The following RASSF8 variants were observed in gnomAD, a reference collection of about 807,000 sequenced individuals.
RASSF8 encodes Ras association domain family member 8.
In RASSF8, 22 loss-of-function variants were observed where a neutral mutation model predicts 48.5. The ratio of observed to expected loss-of-function variants is 0.45; its 90% CI spans 0.32 to 0.65. The LOEUF (loss-of-function observed/expected upper bound fraction) is 0.65. Ranked by LOEUF, RASSF8 falls within the 30% of genes least tolerant of loss-of-function variation. RASSF8 has a pLI of 0.03. For missense variants in RASSF8, 418 were observed against 489.2 expected, an observed-to-expected ratio of 0.85 and a Z score of 1.37; for synonymous variants, 127 against 171.5, an observed-to-expected ratio of 0.74 and a Z score of 2.03.
At chr12:26,002,485 A>C (rs530688959) in intron 2 of RASSF8, among the ~76,000 whole-genome samples, 14 of 151,888 alleles carry the variant, frequency 9.2e-5, no homozygotes, top group Non-Finnish European at 2.1e-4. Flanking sequence ...TATTATATAA[A>C]AAATTATTGG....
At chr12:25,970,525 A>G (rs769028524) in intron 1 of RASSF8, among the ~76,000 whole-genome samples, 2 of 151,998 alleles carry the variant, frequency 1.3e-5, no homozygotes, top group African/African-American at 2.4e-5. Context: ...TCTCATTTAG[A>G]TTGTTTCCTC....
intron 2 of RASSF8, among the ~76,000 whole-genome samples, chr12:26,049,870 G>A (rs1253110557): frequency 2.6e-5 from 4 of 152,138 alleles, no homozygotes; most frequent in East Asian, 1.9e-4. Context: ...TGCAAGCTCC[G>A]CCTCCCAGGT....
At chr12:25,981,911 G>T (rs1309393916) in intron 1 of RASSF8, among the ~76,000 whole-genome samples, 1 of 152,212 alleles carries the variant, frequency 6.6e-6, no homozygotes, top group African/African-American at 2.4e-5. Flanking sequence ...TTTGTGGTGT[G>T]TGAGGGAGGT....
At chr12:25,982,317 A>G (rs1329618261) in intron 1 of RASSF8, among the ~76,000 whole-genome samples, 1 of 152,238 alleles carries the variant, frequency 6.6e-6, no homozygotes, top group East Asian at 1.9e-4. Flanking sequence ...TAGATTACAA[A>G]TAGTAGTTAT....
At position 25,962,726 on chromosome 12, in the gene RASSF8, T is replaced by C. The variant is rs565531195; in HGVS notation, c.-203+3578T>C. On this transcript the variant is annotated intron_variant, in intron 1 of 5. Coordinates refer to ENST00000689635, the MANE Select transcript of RASSF8 (RefSeq NM_001394098.1). ...GGTGTGTGCCACCATGCCTGGCTTCTGTATTTGTATCTTGATTGCCTTCTT... is the reference window on the plus strand; with the variant it reads ...GGTGTGTGCCACCATGCCTGGCTTCCGTATTTGTATCTTGATTGCCTTCTT... Among the ~76,000 whole-genome samples, 185 of 152,312 alleles carry C rather than the reference T, an allele frequency of 1.2e-3. 1 individual carries two copies. Among genetic ancestry groups the C allele is most frequent in the Admixed American group, 0.012 (177 of 15,296 alleles).
chr12:26,066,119 ATAATT>A (rs1943868995), intron 4 of RASSF8, among the ~76,000 whole-genome samples: 1 of 152,206 alleles, frequency 6.6e-6, no homozygotes, highest in Admixed American at 6.5e-5. Context: ...AAATTATTAA[ATAATT>A]TAAAATTCTG....
In RASSF8 at chr12:26,072,472, G is replaced by A. The variant is rs909628463; in HGVS notation, c.*3654G>A. On this transcript the variant is annotated 3_prime_UTR_variant, in exon 6 of 6. Transcript: ENST00000689635. ...CCAAATAAATGCAGAAAACTATTTC[G>A]TATACTAATTATATTAAACCAGCAG... 3.6e-5 allele frequency: 35 copies of A among 959,340 alleles called. No individual in the cohort carries two copies. Among genetic ancestry groups the A allele is most frequent in the Non-Finnish European group, 4.1e-5 (33 of 806,530 alleles). 59.4% of individuals were successfully genotyped at this position (959,340 alleles called of 1,614,324 possible).
At position 26,070,727 on chromosome 12, in the gene RASSF8, CAG is replaced by C; in HGVS notation, c.*1913_*1914del. On this transcript the variant is annotated 3_prime_UTR_variant, in exon 6 of 6. Transcript: ENST00000689635. Reference sequence around the variant, plus strand: ...TGTATAAAGTCATTTTGTTGTTGTTCAGAGAAATCAAGATCTTATTCACAAAG... The same window carrying C: ...TGTATAAAGTCATTTTGTTGTTGTTCAGAAATCAAGATCTTATTCACAAAG... 1 of 723,972 alleles carries C rather than the reference CAG, an allele frequency of 1.4e-6. No individual in the cohort carries two copies. The highest frequency in any genetic ancestry group is 2.0e-5 in the African/African-American group (1 of 50,334). 44.8% of individuals were successfully genotyped at this position (723,972 alleles called of 1,614,324 possible). A position where few individuals can be genotyped will look rare whatever the true frequency, so the allele number is the denominator to read the frequency against.
chr12:25,965,980 A>G (rs1941351112), intron 1 of RASSF8, among the ~76,000 whole-genome samples: 1 of 152,220 alleles, frequency 6.6e-6, no homozygotes, highest in Admixed American at 6.5e-5. Context: ...ATTACAAATA[A>G]AGCTGTTATG....
At chr12:25,966,013 A>G (rs979869229) in intron 1 of RASSF8, among the ~76,000 whole-genome samples, 3 of 152,226 alleles carry the variant, frequency 2.0e-5, no homozygotes, top group East Asian at 1.9e-4. Flanking sequence ...CAAGTATTGT[A>G]TAGACATATA....
Position 26,069,889 on chromosome 12 carries a change from T to C in RASSF8, c.*1071T>C. The C allele has an allele frequency of 1.0e-6, 1 of 983,048 alleles. No individual in the cohort carries two copies. The highest frequency in any genetic ancestry group is 1.2e-6 in the Non-Finnish European group (1 of 827,732). 60.9% of individuals were successfully genotyped at this position (983,048 alleles called of 1,614,324 possible). On this transcript the variant is annotated 3_prime_UTR_variant, in exon 6 of 6. Transcript: ENST00000689635. ...TGGAAAGGAGGTTAAACCTAGGTACTTTTTAGCAAGGATATAAAGTCAAAT... is the reference window on the plus strand; with the variant it reads ...TGGAAAGGAGGTTAAACCTAGGTACCTTTTAGCAAGGATATAAAGTCAAAT...
chr12:26,004,243 C>G lies in RASSF8; in HGVS notation c.-109+9113C>G, dbSNP rs561883497. ...GAATTGAATAACAAGGGGCATATCA[C>G]AGTCTCTAGGCAGGGATGAATATAC... On this transcript the variant is annotated intron_variant, in intron 2 of 5. Transcript: ENST00000689635. Among the ~76,000 whole-genome samples, 24 of 152,304 alleles carry G rather than the reference C, an allele frequency of 1.6e-4. 1 individual carries two copies. The South Asian group carries it at 4.8e-3, about 30-fold the overall frequency.
At chr12:26,006,733 A>T (rs1204159734) in intron 2 of RASSF8, among the ~76,000 whole-genome samples, 4 of 152,172 alleles carry the variant, frequency 2.6e-5, no homozygotes, top group African/African-American at 9.7e-5. Context: ...TTTCTGACTC[A>T]TGGTGCGTGC....
At chr12:26,029,246 T>C (rs533496803) in intron 2 of RASSF8, among the ~76,000 whole-genome samples, 1 of 152,312 alleles carries the variant, frequency 6.6e-6, no homozygotes, top group East Asian at 1.9e-4. Flanking sequence ...CATGTCTGCA[T>C]TAGGGAGAGG....
At chr12:25,991,909 G>T (rs1440288942) in intron 1 of RASSF8, among the ~76,000 whole-genome samples, 2 of 152,146 alleles carry the variant, frequency 1.3e-5, no homozygotes, top group Non-Finnish European at 2.9e-5. Flanking sequence ...ATTAATGTTT[G>T]AATCACGTTA....
chr12:26,027,050 TA>T (rs550549749), intron 2 of RASSF8, among the ~76,000 whole-genome samples: 3 of 152,060 alleles, frequency 2.0e-5, no homozygotes, highest in Non-Finnish European at 4.4e-5. Flanking sequence ...TATTTGGCAA[TA>T]AAAAAATGAA....
chr12:25,958,525 GCGGAGGAGCGGCGGCTGAAAC>G (rs1765297592), upstream of RASSF8: 1 of 150,630 alleles, frequency 6.6e-6, no homozygotes, highest in African/African-American at 2.4e-5. Flanking sequence ...CGGGCGGGGC[GCGGAGGAGCGGCGGCTGAAAC>G]CCGAGCGCCC....
chr12:26,006,286 G>C (rs1290819837), intron 2 of RASSF8, among the ~76,000 whole-genome samples: 1 of 152,010 alleles, frequency 6.6e-6, no homozygotes, highest in African/African-American at 2.4e-5. Flanking sequence ...GATTAATCTG[G>C]GTGCAAGTCA....
At chr12:26,042,327 G>T (rs1422883260) in intron 2 of RASSF8, among the ~76,000 whole-genome samples, 5 of 152,006 alleles carry the variant, frequency 3.3e-5, no homozygotes, top group Non-Finnish European at 7.4e-5. Context: ...GTTTTGTTTT[G>T]TTTTTTTCCA....
Sources: allele counts gnomAD v4.1 joint callset (sites outside exome capture counted in the v4.1 genomes callset), GRCh38; gene constraint gnomAD v4.1.1; transcripts MANE v1.5; gene names NCBI Gene and HGNC (gene_info 2026-07-23, HGNC 2026-07-21).